DYM: variants seen among roughly 807,000 people sequenced by gnomAD.
DYM encodes the protein dymeclin.
In DYM, 78 loss-of-function variants were observed where a neutral mutation model predicts 93.1. The ratio of observed to expected loss-of-function variants is 0.84; its 90% confidence interval spans 0.70 to 1.01. DYM has a LOEUF of 1.01. DYM is among the 50% of genes least tolerant of loss of function. DYM has a pLI of 0.00. For missense variants in DYM, 789 were observed against 845.0 expected, an observed-to-expected ratio of 0.93 and a Z score of 0.82; for synonymous variants, 321 against 319.7, an observed-to-expected ratio of 1.00 and a Z score of -0.04.
At chr18:49,084,234 T>G (rs1398210273) in intron 17 of DYM, among the ~76,000 whole-genome samples, 1 of 152,212 alleles carries the variant, frequency 6.6e-6, no homozygotes, top group Non-Finnish European at 1.5e-5. Context: ...CTATTAAAAG[T>G]ATGCTGCTTA....
chr18:49,238,417 A>G (rs1477604168), intron 13 of DYM, among the ~76,000 whole-genome samples: 1 of 151,862 alleles, frequency 6.6e-6, no homozygotes, highest in Admixed American at 6.6e-5. Context: ...TGAATTAATT[A>G]GCTATGTATT....
At chr18:49,118,044 T>C (rs1178774214) in intron 16 of DYM, among the ~76,000 whole-genome samples, 1 of 133,020 alleles carries the variant, frequency 7.5e-6, no homozygotes, top group African/African-American at 2.9e-5. Flanking sequence ...AGTTTTACTC[T>C]CGTTGCTCAG....
Position 49,163,748 on chromosome 18 carries a change from C to T in DYM, c.1665G>A (p.Leu555=). Residue 555 remains leucine (L), a synonymous_variant, in exon 15 of 18, where the codon CTG becomes CTA. Transcript: ENST00000675505. The part of the protein sequence containing the change: ...SLLSKKHNKV[L]EQATQSLRGS... ...CTCTCAAGGACTGTGTGGCTTGTTC[C>T]AGAACTTTGTTGTGTTTTTTAGACA... 2 of 1,612,358 alleles carry T rather than the reference C, an allele frequency of 1.2e-6. No homozygotes were observed. The highest frequency in any genetic ancestry group is 8.5e-7 in the Non-Finnish European group (1 of 1,179,092).
chr18:49,366,249 T>G (rs2066507501), intron 5 of DYM, among the ~76,000 whole-genome samples: 1 of 152,224 alleles, frequency 6.6e-6, no homozygotes, highest in Non-Finnish European at 1.5e-5. Context: ...TCACCTTAGC[T>G]TTCTTATAAG....
chr18:49,363,704 C>T (rs1411822989), intron 5 of DYM, among the ~76,000 whole-genome samples: 1 of 152,154 alleles, frequency 6.6e-6, no homozygotes, highest in Non-Finnish European at 1.5e-5. Context: ...TTTTATGAAC[C>T]TCTGGCACTC....
In DYM at chr18:49,311,669, C is replaced by A. The variant is rs1461445147; in HGVS notation, c.763+20195G>T. On this transcript the variant is annotated intron_variant, in intron 8 of 17. Transcript: ENST00000675505. ...ACATGTTCTCACTCATAGGTGGGAACTGAACAAGGAGAACACTTGGACACA... is the reference window on the plus strand; with the variant it reads ...ACATGTTCTCACTCATAGGTGGGAAATGAACAAGGAGAACACTTGGACACA... 1.1e-4 allele frequency among the ~76,000 whole-genome samples: 15 copies of A among 139,992 alleles called. No individual in the cohort carries two copies. The Admixed American group carries it at 1.1e-3, about 11-fold the overall frequency. 91.8% of individuals were successfully genotyped at this position (139,992 alleles called of 152,430 possible). A position where few individuals can be genotyped will look rare whatever the true frequency, so the allele number is the denominator to read the frequency against.
chr18:49,114,273 C>A (rs1207693329), intron 16 of DYM, among the ~76,000 whole-genome samples: 1 of 152,186 alleles, frequency 6.6e-6, no homozygotes, highest in Admixed American at 6.5e-5. Context: ...AAGCTTCATT[C>A]CCATCATTTA....
chr18:49,134,067 T>C (rs1245665975), intron 15 of DYM, among the ~76,000 whole-genome samples: 2 of 152,196 alleles, frequency 1.3e-5, no homozygotes, highest in Admixed American at 6.5e-5. Flanking sequence ...GATTGATTGA[T>C]AGAAGAACAG....
rs1288874838 is a variant in DYM at position 49,043,160 on chromosome 18, C to T, written c.*895G>A. ...TTTTTTTTTTTGCGAGACAGGGTCT[C>T]ACTTTGTGGCTCAGGCTGGAGTGTA... is the stretch of plus-strand genomic sequence containing the variant. On this transcript the variant is annotated 3_prime_UTR_variant, in exon 18 of 18. Transcript: ENST00000675505. 5 of 150,568 alleles carry T rather than the reference C, an allele frequency of 3.3e-5. No homozygotes were observed. Among genetic ancestry groups the T allele is most frequent in the Non-Finnish European group, 7.4e-5 (5 of 67,770 alleles). The allele number at this position is 150,568 out of a possible 1,614,324, so 9.3% of individuals were successfully genotyped here. A position where few individuals can be genotyped will look rare whatever the true frequency, so the allele number is the denominator to read the frequency against.
intron 1 of DYM, among the ~76,000 whole-genome samples, chr18:49,448,996 T>C (rs990893054): frequency 8.6e-5 from 13 of 152,030 alleles, no homozygotes; most frequent in African/African-American, 2.9e-4. Context: ...GCCCTTCAAG[T>C]CCCCCTTATT....
At chr18:49,333,701 C>T (rs1383535883) in intron 7 of DYM, 27 bp downstream of exon 7, 3 of 1,611,166 alleles carry the variant, frequency 1.9e-6, no homozygotes, top group African/African-American at 1.3e-5. Flanking sequence ...AATGAAAAAA[C>T]TAGACATACT....
chr18:49,088,313 A>T (rs1357415723), intron 17 of DYM, among the ~76,000 whole-genome samples: 1 of 152,164 alleles, frequency 6.6e-6, no homozygotes, highest in Non-Finnish European at 1.5e-5. Flanking sequence ...GAAGGGATCC[A>T]GTTTCAGTTT....
chr18:49,210,796 CAACTCTA>C lies in DYM; in HGVS notation c.1461-1088_1461-1082del, dbSNP rs1207979904. On this transcript the variant is annotated intron_variant, in intron 13 of 17. Transcript: ENST00000675505. ...AGGTTGGAGGCCAGGGGATATATGGCAACTCTATACTTTCTGATCACTTTTGCTGTGA... is the reference window on the plus strand; with the variant it reads ...AGGTTGGAGGCCAGGGGATATATGGCTACTTTCTGATCACTTTTGCTGTGA... Among the ~76,000 whole-genome samples the C allele has an allele frequency of 2.0e-5, 3 of 152,128 alleles. No individual in the cohort carries two copies. In the East Asian group the frequency reaches 5.8e-4, roughly 29 times the overall value.
intron 10 of DYM, among the ~76,000 whole-genome samples, chr18:49,280,949 A>G (rs959402744): frequency 2.2e-4 from 34 of 152,224 alleles, no homozygotes; most frequent in Non-Finnish European, 4.0e-4. Flanking sequence ...AAAATTGACA[A>G]ATGGGATCTA....
chr18:49,153,351 C>T (rs1252826998), intron 15 of DYM, among the ~76,000 whole-genome samples: 1 of 152,152 alleles, frequency 6.6e-6, no homozygotes, highest in African/African-American at 2.4e-5. Context: ...AGCAGTTGTG[C>T]TAGGGATGTT....
intron 8 of DYM, among the ~76,000 whole-genome samples, chr18:49,292,991 G>C (rs929024434): frequency 6.6e-6 from 1 of 151,820 alleles, no homozygotes; most frequent in Non-Finnish European, 1.5e-5. Context: ...CTTACCCACC[G>C]ACAGGCCCTA....
intron 8 of DYM, among the ~76,000 whole-genome samples, chr18:49,314,660 T>G (rs1391624545): frequency 6.6e-6 from 1 of 152,256 alleles, no homozygotes; most frequent in Non-Finnish European, 1.5e-5. Context: ...TTTACAATAT[T>G]TGCCTAATTT....
At chr18:49,175,587 A>G (rs896910298) in intron 14 of DYM, among the ~76,000 whole-genome samples, 13 of 152,158 alleles carry the variant, frequency 8.5e-5, no homozygotes, top group African/African-American at 2.9e-4. Flanking sequence ...AATGATGTTG[A>G]TTTTATGGAA....
In DYM at chr18:49,043,932, C is replaced by T. The variant is rs886053843; in HGVS notation, c.*123G>A. 4.1e-5 allele frequency: 49 copies of T among 1,181,696 alleles called. No homozygotes were observed. The highest frequency in any genetic ancestry group is 3.4e-4 in the African/African-American group (22 of 65,432). The allele number at this position is 1,181,696 out of a possible 1,614,324, so 73.2% of individuals were successfully genotyped here. ...TCAAAGTGTGTGAGGAAAACACACTCGTGCAATCCTCTTTAACAGAAGATA... is the reference window on the plus strand; with the variant it reads ...TCAAAGTGTGTGAGGAAAACACACTTGTGCAATCCTCTTTAACAGAAGATA... On this transcript the variant is annotated 3_prime_UTR_variant, in exon 18 of 18. Coordinates refer to ENST00000675505, the MANE Select transcript of DYM (RefSeq NM_001353214.3).
Sources: gnomAD v4.1 joint callset for allele counts (sites outside exome capture counted in the v4.1 genomes callset) on GRCh38, gnomAD v4.1.1 for gene constraint, MANE v1.5 for transcripts, NCBI Gene and HGNC (gene_info 2026-07-23, HGNC 2026-07-21) for gene names.